HFM1: variants seen among roughly 807,000 people sequenced by gnomAD.
HFM1 encodes the protein helicase for meiosis 1.
In HFM1, 169 loss-of-function variants were observed where a neutral mutation model predicts 192.1. The observed-to-expected ratio is 0.88, with a 90% CI of 0.78 to 1.00. The LOEUF (loss-of-function observed/expected upper bound fraction) is 1.00. HFM1 is among the 50% of genes least tolerant of loss of function. HFM1 has a pLI of 0.00. For synonymous variants in HFM1, 525 were observed against 537.8 expected, an observed-to-expected ratio of 0.98 and a Z score of 0.33; for missense variants, 1,661 against 1,668.0, an observed-to-expected ratio of 1.00 and a Z score of 0.07.
rs569568839 is a variant in HFM1 at position 91,338,896 on chromosome 1, A to G, written c.2335+4534T>C. On this transcript the variant is annotated intron_variant, in intron 20 of 38. Transcript: ENST00000370425. ...TAACCTTCTGCCACTGCCCCATTTA[A>G]GTGTGATTGCCAGTGAACCAGGAAC... 305 of 455,740 alleles carry G rather than the reference A, an allele frequency of 6.7e-4. 2 individuals carry two copies. Among genetic ancestry groups the G allele is most frequent in the South Asian group, 4.6e-3 (297 of 64,552 alleles). The allele number at this position is 455,740 out of a possible 1,614,324, so 28.2% of individuals were successfully genotyped here.
chr1:91,344,242 A>G (rs1655799226), intron 19 of HFM1, among the ~76,000 whole-genome samples: 1 of 152,172 alleles, frequency 6.6e-6, no homozygotes, highest in Non-Finnish European at 1.5e-5. Flanking sequence ...AGGAGATATA[A>G]GATAGTTCAG....
intron 30 of HFM1, among the ~76,000 whole-genome samples, chr1:91,290,349 G>C (rs929761906): frequency 6.6e-6 from 1 of 152,150 alleles, no homozygotes; most frequent in African/African-American, 2.4e-5. Context: ...TAAAAGGATG[G>C]AGGAAGATCT....
At chr1:91,377,514 T>A (rs1178594221) in intron 11 of HFM1, 1 of 153,292 alleles carries the variant, frequency 6.5e-6, no homozygotes, top group Non-Finnish European at 1.5e-5. Flanking sequence ...AGTATAATAG[T>A]GCACATGATT....
At chr1:91,369,602 G>T (rs1659882166) in intron 13 of HFM1, among the ~76,000 whole-genome samples, 1 of 152,056 alleles carries the variant, frequency 6.6e-6, no homozygotes, top group African/African-American at 2.4e-5. Context: ...GTGTGTAGAG[G>T]GAAATTTATA....
rs188638382 is a variant in HFM1, at chr1:91,366,983, C to T, written c.1685+8375G>A. ...ATATCCTGCGCCTGGCTTGGAGGGT[C>T]CTACACCCACAGAGCCTCGCTCATT... On this transcript the variant is annotated intron_variant, in intron 13 of 38. Coordinates refer to ENST00000370425, the MANE Select transcript of HFM1 (RefSeq NM_001017975.6). Among the ~76,000 whole-genome samples the T allele has an allele frequency of 3.3e-5, 5 of 152,306 alleles. No homozygotes were observed. The East Asian group carries it at 9.7e-4, about 29-fold the overall frequency.
intron 13 of HFM1, among the ~76,000 whole-genome samples, chr1:91,354,690 T>G (rs1168851834): frequency 1.3e-5 from 2 of 152,086 alleles, no homozygotes; most frequent in Non-Finnish European, 2.9e-5. Flanking sequence ...AGATGATACA[T>G]TCAAAGTCCT....
chr1:91,380,176 C>A lies in HFM1; in HGVS notation c.934G>T (p.Val312Leu). 1 of 1,562,332 alleles carries A rather than the reference C, an allele frequency of 6.4e-7. No homozygotes were observed. Among genetic ancestry groups the A allele is most frequent in the South Asian group, 1.2e-5 (1 of 86,936 alleles). Residue 312 changes from valine (V) to leucine (L), a missense_variant, in exon 8 of 39, where the codon GTG (valine) becomes TTG (leucine). Coordinates refer to ENST00000370425, the MANE Select transcript of HFM1 (RefSeq NM_001017975.6). ...CAPTGSGKTV[V>L]FELAITRLLM... is the part of the protein sequence containing the mutation. ...AATCTTGTTATAGCTAGTTCAAACA[C>A]TACAGTTTTTCCAGAACCAGTTGGA...
chr1:91,389,139 T>G (rs1239039412), intron 4 of HFM1, among the ~76,000 whole-genome samples: 2 of 144,852 alleles, frequency 1.4e-5, no homozygotes, highest in African/African-American at 2.6e-5. Flanking sequence ...TGGGTTTTTT[T>G]TTTTTTTTTT....
At chr1:91,281,607 GAAT>G (rs1338149784) in intron 30 of HFM1, among the ~76,000 whole-genome samples, 1 of 152,128 alleles carries the variant, frequency 6.6e-6, no homozygotes, top group African/African-American at 2.4e-5. Flanking sequence ...GGATGTATAA[GAAT>G]AAAATTTTCT....
intron 13 of HFM1, among the ~76,000 whole-genome samples, chr1:91,355,644 G>T (rs1407588592): frequency 6.6e-6 from 1 of 152,018 alleles, no homozygotes; most frequent in Non-Finnish European, 1.5e-5. Context: ...AACGACAAAG[G>T]GGTCAATTCA....
chr1:91,353,227 TG>T (rs1557899158), intron 14 of HFM1, 28 bp downstream of exon 14: 3 of 1,573,920 alleles, frequency 1.9e-6, no homozygotes, highest in Non-Finnish European at 2.6e-6. Flanking sequence ...TATGTGAAAA[TG>T]CTATTCAAAA....
intron 35 of HFM1, among the ~76,000 whole-genome samples, chr1:91,267,320 C>A (rs144944188): frequency 6.6e-6 from 1 of 152,020 alleles, no homozygotes. Context: ...CATATTTCAA[C>A]TAGAAATAAA....
intron 13 of HFM1, among the ~76,000 whole-genome samples, chr1:91,365,366 T>C (rs1659155254): frequency 6.6e-6 from 1 of 151,706 alleles, no homozygotes; most frequent in African/African-American, 2.4e-5. Flanking sequence ...TAGCTGCTCT[T>C]GTCAAAAAAA....
chr1:91,395,720 G>A (rs282007), intron 3 of HFM1, among the ~76,000 whole-genome samples: 152,113 of 152,290 alleles, frequency 1, 75,968 homozygotes, highest in Non-Finnish European at 1. Context: ...TTTTGGGGGG[G>A]TATCTGATAT....
chr1:91,383,614 G>A (rs1359163026), intron 6 of HFM1, among the ~76,000 whole-genome samples: 3 of 152,108 alleles, frequency 2.0e-5, no homozygotes, highest in Non-Finnish European at 2.9e-5. Flanking sequence ...TAGAGTTATT[G>A]TTGCCTAGAT....
At chr1:91,403,143 A>G (rs540013879) in intron 1 of HFM1, among the ~76,000 whole-genome samples, 38 of 152,232 alleles carry the variant, frequency 2.5e-4, no homozygotes, top group African/African-American at 8.7e-4. Context: ...ATTATAGTAT[A>G]TGCTTAGTTG....
intron 20 of HFM1, 47 bp from the exon 21 acceptor site, chr1:91,324,813 C>T (rs753980787): frequency 2.0e-6 from 2 of 1,001,092 alleles, no homozygotes; most frequent in Non-Finnish European, 3.2e-6. Context: ...TCAGCTGAAC[C>T]AACTGTTTTT....
chr1:91,298,434 G>T (rs192960641), intron 30 of HFM1, among the ~76,000 whole-genome samples: 60 of 152,190 alleles, frequency 3.9e-4, no homozygotes, highest in Admixed American at 7.9e-4. Flanking sequence ...GAAATACAAA[G>T]AATGCCACAA....
At chr1:91,349,880 G>A (rs1351430026) in intron 18 of HFM1, among the ~76,000 whole-genome samples, 7 of 152,080 alleles carry the variant, frequency 4.6e-5, no homozygotes, top group African/African-American at 7.2e-5. Flanking sequence ...TAAAAGGTGC[G>A]AAACTAAAAT....
Sources: gnomAD v4.1 joint callset for allele counts (sites outside exome capture counted in the v4.1 genomes callset) on GRCh38, gnomAD v4.1.1 for gene constraint, MANE v1.5 for transcripts, NCBI Gene and HGNC (gene_info 2026-07-23, HGNC 2026-07-21) for gene names.